The following ACER2 variants were observed in gnomAD, a reference collection of about 807,000 sequenced individuals.
ACER2 encodes the protein alkCDase 2.
ACER2 carries 26 observed loss-of-function variants against 34.7 expected under a neutral mutation model. That is an observed-to-expected ratio of 0.75 (90% CI 0.55 to 1.04). The LOEUF (loss-of-function observed/expected upper bound fraction) is 1.04. Ranked by LOEUF, ACER2 falls within the 50% of genes least tolerant of loss-of-function variation. The probability of loss-of-function intolerance (pLI) is 0.00; values close to 1 mark genes in which losing one functional copy is unlikely to be tolerated. For missense variants in ACER2, 352 were observed against 340.8 expected, an observed-to-expected ratio of 1.03 and a Z score of -0.26; for synonymous variants, 138 against 132.1, an observed-to-expected ratio of 1.04 and a Z score of -0.31.
intron 5 of ACER2, chr9:19,450,135 G>C (rs1831513367): frequency 1.1e-6 from 1 of 931,404 alleles, no homozygotes; most frequent in Non-Finnish European, 1.3e-6. Context: ...TTCCATCTTA[G>C]CATCTCTGTT....
intron 1 of ACER2, among the ~76,000 whole-genome samples, chr9:19,420,560 C>T (rs1394050591): frequency 6.6e-6 from 1 of 152,166 alleles, no homozygotes; most frequent in East Asian, 1.9e-4. Context: ...AATTGGAACA[C>T]TGTACATTGC....
At chr9:19,439,208 G>A (rs1047747642) in intron 4 of ACER2, among the ~76,000 whole-genome samples, 1 of 152,162 alleles carries the variant, frequency 6.6e-6, no homozygotes, top group African/African-American at 2.4e-5. Context: ...ATTAACAAGT[G>A]GTAGTTTCAT....
intron 1 of ACER2, among the ~76,000 whole-genome samples, chr9:19,423,158 T>A (rs1830458875): frequency 6.6e-6 from 1 of 152,004 alleles, no homozygotes; most frequent in South Asian, 2.1e-4. Flanking sequence ...AGACCATGTC[T>A]CTTAAAAAAG....
rs1194354318 is a variant in ACER2 at position 19,427,994 on chromosome 9, C to CTT, written c.365+3155_365+3156dup. Among the ~76,000 whole-genome samples, 9 of 96,808 alleles carry CTT rather than the reference C, an allele frequency of 9.3e-5. No individual in the cohort carries two copies. The East Asian group carries it at 1.1e-3, about 12-fold the overall frequency. The allele number at this position is 96,808 out of a possible 152,430, so 63.5% of individuals were successfully genotyped here. ...CCTTTCCTTTTTCCTTTTTCCTTTCCTTTCCTTTTTCCTTTTTCCTTTCCT... is the reference window on the plus strand; with the variant it reads ...CCTTTCCTTTTTCCTTTTTCCTTTCCTTTTTCCTTTTTCCTTTTTCCTTTCCT... On this transcript the variant is annotated intron_variant, in intron 3 of 5. Transcript: ENST00000340967.
chr9:19,441,741 T>G (rs1026903292), intron 4 of ACER2, among the ~76,000 whole-genome samples: 2 of 151,874 alleles, frequency 1.3e-5, no homozygotes, highest in Non-Finnish European at 2.9e-5. Flanking sequence ...AGGGACGGGG[T>G]CTCTTTTTTC....
chr9:19,415,548 A>T (rs114771120), intron 1 of ACER2, among the ~76,000 whole-genome samples: 455 of 151,614 alleles, frequency 3.0e-3, no homozygotes, highest in African/African-American at 0.01. Context: ...ATTAAAAATT[A>T]AAAAAAAGTT....
At chr9:19,443,455 C>A (rs1169003272) in intron 4 of ACER2, among the ~76,000 whole-genome samples, 1 of 152,208 alleles carries the variant, frequency 6.6e-6, no homozygotes, top group Non-Finnish European at 1.5e-5. Flanking sequence ...CATGAGCCAC[C>A]GTGCCTGGCC....
intron 1 of ACER2, among the ~76,000 whole-genome samples, chr9:19,420,918 C>A (rs1021858219): frequency 1.5e-4 from 23 of 152,248 alleles, no homozygotes; most frequent in African/African-American, 5.3e-4. Context: ...CCTCTTAGTA[C>A]AGTTGTGTGA....
At chr9:19,446,485 C>A in intron 5 of ACER2, 67 bp downstream of exon 5, 2 of 1,606,036 alleles carry the variant, frequency 1.2e-6, no homozygotes, top group Non-Finnish European at 1.7e-6. Context: ...GGGCTCTGTT[C>A]ACCCTGCAAG....
intron 5 of ACER2, among the ~76,000 whole-genome samples, chr9:19,449,606 G>A (rs1831489793): frequency 6.6e-6 from 1 of 152,074 alleles, no homozygotes; most frequent in Non-Finnish European, 1.5e-5. Flanking sequence ...TCTTTGGGCT[G>A]GGCGCAGTGG....
At chr9:19,434,502 A>G (rs1298701247) in intron 3 of ACER2, among the ~76,000 whole-genome samples, 1 of 152,256 alleles carries the variant, frequency 6.6e-6, no homozygotes, top group Admixed American at 6.5e-5. Flanking sequence ...TGAGTGAACC[A>G]GACTCCGTCT....
In ACER2 at chr9:19,450,359, C is replaced by G. The variant is rs1046320265; in HGVS notation, c.642-91C>G. 1.7e-5 allele frequency: 24 copies of G among 1,421,694 alleles called. No homozygotes were observed. In the African/African-American group the frequency reaches 3.1e-4, roughly 18 times the overall value. The allele number at this position is 1,421,694 out of a possible 1,614,324, so 88.1% of individuals were successfully genotyped here. A position where few individuals can be genotyped will look rare whatever the true frequency, so the allele number is the denominator to read the frequency against. On this transcript the variant is annotated intron_variant, in intron 5 of 5. Transcript: ENST00000340967. ...GGCTGCAACTACAGTCAGCAAGGTG[C>G]GTGGGTTAGACCGGAAGAAGGAGCA...
intron 3 of ACER2, among the ~76,000 whole-genome samples, chr9:19,426,663 T>C (rs776359546): frequency 1.3e-5 from 2 of 152,186 alleles, no homozygotes; most frequent in Admixed American, 6.5e-5. Flanking sequence ...GAAAACCTTT[T>C]TTTTCTTTTC....
intron 1 of ACER2, among the ~76,000 whole-genome samples, chr9:19,422,647 T>C (rs369757211): frequency 1.5e-4 from 23 of 151,904 alleles, no homozygotes; most frequent in Admixed American, 3.9e-4. Flanking sequence ...GGGAGGATTA[T>C]TGGGAGCTGG....
chr9:19,412,545 C>T (rs1187733612), intron 1 of ACER2, among the ~76,000 whole-genome samples: 1 of 151,630 alleles, frequency 6.6e-6, no homozygotes, highest in Non-Finnish European at 1.5e-5. Context: ...GTCCCCGCTA[C>T]TCAGGAGGCT....
intron 4 of ACER2, 71 bp from the exon 5 acceptor site, chr9:19,446,210 A>G (rs766243591): frequency 1.2e-6 from 2 of 1,610,990 alleles, no homozygotes; most frequent in Admixed American, 3.3e-5. Flanking sequence ...CGAAGGAGAC[A>G]CAGGAAAGGT....
intron 1 of ACER2, among the ~76,000 whole-genome samples, chr9:19,420,799 T>C (rs1477622202): frequency 1.3e-5 from 2 of 152,180 alleles, no homozygotes; most frequent in African/African-American, 4.8e-5. Flanking sequence ...GGCTCCCTGC[T>C]TCAAAGACGG....
intron 4 of ACER2, among the ~76,000 whole-genome samples, chr9:19,444,217 GTT>G (rs774098696): frequency 7.1e-6 from 1 of 141,210 alleles, no homozygotes. Flanking sequence ...TCTCATAATG[GTT>G]TTTTTTTTTT....
intron 1 of ACER2, among the ~76,000 whole-genome samples, chr9:19,422,561 A>G (rs753814417): frequency 7.9e-5 from 12 of 152,210 alleles, no homozygotes; most frequent in Non-Finnish European, 1.5e-4. Context: ...GGGAAAGCTG[A>G]CAAAGGGCAA....
Sources: allele counts gnomAD v4.1 joint callset (sites outside exome capture counted in the v4.1 genomes callset), GRCh38; gene constraint gnomAD v4.1.1; transcripts MANE v1.5; gene names NCBI Gene and HGNC (gene_info 2026-07-23, HGNC 2026-07-21).